The following IL1RAP variants were observed in gnomAD, a reference collection of about 807,000 sequenced individuals.
The protein encoded by IL1RAP is interleukin-1 receptor accessory protein.
A neutral mutation model predicts 60.7 loss-of-function variants in IL1RAP; 35 were observed. The observed-to-expected ratio is 0.58, with a 90% confidence interval of 0.44 to 0.76. IL1RAP has a LOEUF of 0.76. IL1RAP is among the 30% of genes least tolerant of loss of function. IL1RAP has a pLI of 0.00. For synonymous variants in IL1RAP, 268 were observed against 250.9 expected (o/e 1.07, Z -0.64); for missense variants, 572 against 693.9 (o/e 0.82, Z 1.97).
chr3:190,600,956 G>T (rs1444956244), intron 3 of IL1RAP, among the ~76,000 whole-genome samples: 1 of 152,048 alleles, frequency 6.6e-6, no homozygotes, highest in African/African-American at 2.4e-5. Flanking sequence ...AGTTACTTGG[G>T]ATTATGTATT....
intron 9 of IL1RAP, among the ~76,000 whole-genome samples, chr3:190,631,103 T>G (rs890625093): frequency 1.3e-5 from 2 of 152,188 alleles, no homozygotes; most frequent in African/African-American, 4.8e-5. Flanking sequence ...ATTTAATATG[T>G]GAACATTTGA....
At chr3:190,599,848 TA>T (rs74901565) in intron 3 of IL1RAP, among the ~76,000 whole-genome samples, 95,647 of 151,198 alleles carry the variant, frequency 0.63, 32,025 homozygotes, top group East Asian at 0.82. Context: ...ATTTAACATC[TA>T]AAAAAAAATC....
At chr3:190,520,896 C>T (rs1021891740) in intron 1 of IL1RAP, among the ~76,000 whole-genome samples, 1 of 152,138 alleles carries the variant, frequency 6.6e-6, no homozygotes, top group Non-Finnish European at 1.5e-5. Flanking sequence ...AGTTTCTTAA[C>T]GCCAGTATGG....
intron 3 of IL1RAP, among the ~76,000 whole-genome samples, chr3:190,584,431 G>C (rs1728271141): frequency 1.3e-5 from 2 of 152,162 alleles, no homozygotes; most frequent in African/African-American, 4.8e-5. Context: ...CCTAATAAGA[G>C]GCTGCCAAAC....
chr3:190,530,690 C>G (rs917313915), intron 1 of IL1RAP, among the ~76,000 whole-genome samples: 2 of 152,146 alleles, frequency 1.3e-5, no homozygotes, highest in African/African-American at 4.8e-5. Context: ...TTGGCTTATG[C>G]AATCATGTCA....
At chr3:190,634,720 TTGTTG>T (rs1339168858) in intron 9 of IL1RAP, among the ~76,000 whole-genome samples, 2 of 132,088 alleles carry the variant, frequency 1.5e-5, no homozygotes, top group African/African-American at 7.2e-5. Context: ...TTTTTTTTTG[TTGTTG>T]TTTTTTTTGA....
At chr3:190,573,399 A>C (rs922454847) in intron 3 of IL1RAP, among the ~76,000 whole-genome samples, 1 of 152,204 alleles carries the variant, frequency 6.6e-6, no homozygotes, top group East Asian at 1.9e-4. Flanking sequence ...GTAGAAACCC[A>C]ACCAATCTAT....
At chr3:190,583,255 T>A (rs1174128644) in intron 3 of IL1RAP, among the ~76,000 whole-genome samples, 1 of 152,234 alleles carries the variant, frequency 6.6e-6, no homozygotes. Context: ...GTATGTTTTA[T>A]GTGTAGCAAA....
At chr3:190,521,412 A>G (rs1577490583) in intron 1 of IL1RAP, among the ~76,000 whole-genome samples, 1 of 151,968 alleles carries the variant, frequency 6.6e-6, no homozygotes, top group South Asian at 2.1e-4. Flanking sequence ...AATAAATAGT[A>G]GAACTGGGAC....
intron 9 of IL1RAP, 96 bp from the exon 10 acceptor site, chr3:190,644,152 G>T (rs1733846379): frequency 1.3e-6 from 2 of 1,497,622 alleles, no homozygotes; most frequent in East Asian, 2.5e-5. Context: ...CAGGTGCATA[G>T]CTAAGCTGCT....
At chr3:190,529,275 A>T (rs1722771372) in intron 1 of IL1RAP, among the ~76,000 whole-genome samples, 3 of 152,158 alleles carry the variant, frequency 2.0e-5, no homozygotes, top group Admixed American at 2.0e-4. Context: ...GCAGTGGCTC[A>T]GCCTGTAATC....
At chr3:190,537,672 A>G (rs1007271848) in intron 1 of IL1RAP, among the ~76,000 whole-genome samples, 2 of 152,200 alleles carry the variant, frequency 1.3e-5, no homozygotes, top group Non-Finnish European at 2.9e-5. Context: ...TTAGTAATAC[A>G]TATCAAAATG....
At chr3:190,555,201 T>C (rs1362446344) in intron 1 of IL1RAP, among the ~76,000 whole-genome samples, 1 of 152,186 alleles carries the variant, frequency 6.6e-6, no homozygotes, top group African/African-American at 2.4e-5. Context: ...CCACAGGTGA[T>C]ATGTCTGTTT....
intron 5 of IL1RAP, among the ~76,000 whole-genome samples, chr3:190,617,989 G>A (rs966904768): frequency 2.6e-5 from 4 of 152,138 alleles, no homozygotes; most frequent in Non-Finnish European, 5.9e-5. Flanking sequence ...CTGTTGACAA[G>A]TTCAGTAAAA....
intron 7 of IL1RAP, chr3:190,625,134 C>T (rs1031863990): frequency 6.6e-6 from 1 of 152,400 alleles, no homozygotes; most frequent in Non-Finnish European, 1.5e-5. Context: ...GGGTGAGCAC[C>T]GGAGGCATAA....
At chr3:190,643,757 A>G (rs1216670619) in intron 9 of IL1RAP, among the ~76,000 whole-genome samples, 2 of 152,228 alleles carry the variant, frequency 1.3e-5, no homozygotes, top group Admixed American at 1.3e-4. Flanking sequence ...ATACTACACT[A>G]GACAAGAGAA....
chr3:190,648,976 A>G lies in IL1RAP; in HGVS notation c.*271A>G. 3.4e-6 allele frequency: 4 copies of G among 1,170,888 alleles called. No individual in the cohort carries two copies. The highest frequency in any genetic ancestry group is 3.2e-6 in the Non-Finnish European group (3 of 946,946). The allele number at this position is 1,170,888 out of a possible 1,614,324, so 72.5% of individuals were successfully genotyped here. ...TTGTTCAATGCGAATTTCCCCTTCT[A>G]CATTGTCTATCCCTGTTTTTATATG... On this transcript the variant is annotated 3_prime_UTR_variant, in exon 12 of 12. Coordinates refer to ENST00000447382, the MANE Select transcript of IL1RAP (RefSeq NM_002182.4).
intron 5 of IL1RAP, chr3:190,615,233 A>C (rs994611060): frequency 1.4e-5 from 12 of 832,806 alleles, no homozygotes; most frequent in Non-Finnish European, 1.9e-5. Context: ...TTTGTAAGTG[A>C]TTTACAGAAT....
chr3:190,516,731 A>G (rs768674423), intron 1 of IL1RAP, among the ~76,000 whole-genome samples: 5 of 58,234 alleles, frequency 8.6e-5, no homozygotes, highest in African/African-American at 2.6e-4. Flanking sequence ...TCTAAAATGG[A>G]AAAAAAAAAT....
Sources: allele counts gnomAD v4.1 joint callset (sites outside exome capture counted in the v4.1 genomes callset), GRCh38; gene constraint gnomAD v4.1.1; transcripts MANE v1.5; gene names NCBI Gene and HGNC (gene_info 2026-07-23, HGNC 2026-07-21).